The following LDLRAD4 variants were observed in gnomAD, a reference collection of about 807,000 sequenced individuals.
LDLRAD4 encodes the protein low-density lipoprotein receptor class A domain-containing protein 4.
Under a neutral mutation model 17.0 loss-of-function variants are expected in LDLRAD4, and 5 were observed. The ratio of observed to expected loss-of-function variants is 0.29; its 90% CI spans 0.15 to 0.62. LDLRAD4 has a LOEUF of 0.62. Ranked by LOEUF, LDLRAD4 falls within the 20% of genes least tolerant of loss-of-function variation. The pLI is 0.84. For synonymous variants in LDLRAD4, 168 were observed against 171.8 expected (o/e 0.98, Z 0.17); for missense variants, 340 against 424.7 (o/e 0.80, Z 1.75).
chr18:13,309,740 A>G (rs2047122969), intron 1 of LDLRAD4, among the ~76,000 whole-genome samples: 1 of 152,012 alleles, frequency 6.6e-6, no homozygotes, highest in Non-Finnish European at 1.5e-5. Context: ...GTGGGGTCTG[A>G]GGGACAGTGA....
chr18:13,601,201 G>T (rs188342035), intron 3 of LDLRAD4, among the ~76,000 whole-genome samples: 3 of 152,144 alleles, frequency 2.0e-5, no homozygotes, highest in African/African-American at 7.2e-5. Context: ...TATTTTAAAC[G>T]CAGAAATCTG....
At chr18:13,383,082 G>T (rs146738917) in intron 1 of LDLRAD4, among the ~76,000 whole-genome samples, 1 of 152,242 alleles carries the variant, frequency 6.6e-6, no homozygotes, top group Non-Finnish European at 1.5e-5. Flanking sequence ...TCCCAGCCAA[G>T]CAGGCTGAGG....
chr18:13,550,695 G>A (rs1023692214), intron 3 of LDLRAD4, among the ~76,000 whole-genome samples: 2 of 152,232 alleles, frequency 1.3e-5, no homozygotes, highest in Non-Finnish European at 1.5e-5. Flanking sequence ...AACGTAAGCC[G>A]AGGAAGATGA....
At chr18:13,495,570 G>A (rs1296209950) in intron 3 of LDLRAD4, among the ~76,000 whole-genome samples, 2 of 152,170 alleles carry the variant, frequency 1.3e-5, no homozygotes, top group South Asian at 2.1e-4. Flanking sequence ...TAATACTGTG[G>A]CTTAGTAAAA....
At chr18:13,613,774 C>G (rs574099830) in intron 3 of LDLRAD4, 3 of 152,258 alleles carry the variant, frequency 2.0e-5, no homozygotes, top group African/African-American at 7.2e-5. Flanking sequence ...GGCTGCTGCC[C>G]GCCTGCCCGT....
intron 3 of LDLRAD4, among the ~76,000 whole-genome samples, chr18:13,530,473 G>C (rs1033537557): frequency 3.9e-5 from 6 of 152,196 alleles, no homozygotes; most frequent in Non-Finnish European, 7.3e-5. Flanking sequence ...CGTGTTCTTG[G>C]GCAGCGTGTC....
chr18:13,380,400 G>A (rs2085264496), intron 1 of LDLRAD4, among the ~76,000 whole-genome samples: 1 of 152,156 alleles, frequency 6.6e-6, no homozygotes, highest in South Asian at 2.1e-4. Flanking sequence ...GGAAGCTTGG[G>A]CCAGGATCCA....
At chr18:13,383,935 T>G (rs1437795751) in intron 1 of LDLRAD4, among the ~76,000 whole-genome samples, 1 of 152,202 alleles carries the variant, frequency 6.6e-6, no homozygotes, top group Non-Finnish European at 1.5e-5. Flanking sequence ...TAATTGCATT[T>G]TACCTTGAAA....
chr18:13,596,188 G>A (rs144704718), intron 3 of LDLRAD4, among the ~76,000 whole-genome samples: 78 of 152,100 alleles, frequency 5.1e-4, no homozygotes, highest in African/African-American at 1.6e-3. Flanking sequence ...TAGTATGGTC[G>A]CACCAGTTTT....
intron 1 of LDLRAD4, among the ~76,000 whole-genome samples, chr18:13,223,638 C>A (rs954107952): frequency 5.3e-5 from 8 of 152,204 alleles, no homozygotes; most frequent in Admixed American, 4.6e-4. Flanking sequence ...GGAGGCCAGG[C>A]TGCTTTCCGA....
In LDLRAD4 at chr18:13,643,429, G is replaced by A. The variant is rs1348920721; in HGVS notation, c.390+17G>A. 8.1e-6 allele frequency: 9 copies of A among 1,108,502 alleles called. No individual in the cohort carries two copies. The Middle Eastern group carries it at 6.8e-4, about 84-fold the overall frequency. The allele number at this position is 1,108,502 out of a possible 1,614,324, so 68.7% of individuals were successfully genotyped here. A position where few individuals can be genotyped will look rare whatever the true frequency, so the allele number is the denominator to read the frequency against. ...GCCTCGGAGGTAAGGGGCCCCAGGA[G>A]GTGATGGCTGCGGGGGGCGGGGGGG... On this transcript the variant is annotated intron_variant, in intron 5 of 5. Coordinates refer to ENST00000359446, the Ensembl canonical transcript of LDLRAD4.
intron 1 of LDLRAD4, among the ~76,000 whole-genome samples, chr18:13,291,497 C>T (rs957041675): frequency 3.9e-5 from 6 of 152,118 alleles, no homozygotes; most frequent in African/African-American, 9.7e-5. Flanking sequence ...GGTTGCAGAA[C>T]GTGTAGCTTG....
Position 13,455,528 on chromosome 18 carries a change from C to T in LDLRAD4, c.181+17144C>T, listed in dbSNP as rs1268152091. Among the ~76,000 whole-genome samples the T allele has an allele frequency of 1.2e-4, 15 of 120,430 alleles. 1 individual carries two copies. The Admixed American group carries it at 1.3e-3, about 10-fold the overall frequency. 79.0% of individuals were successfully genotyped at this position (120,430 alleles called of 152,430 possible). The stretch of plus-strand genomic sequence containing the variant: ...GCTCCTGCTGAGCAGGTAGAGGAGA[C>T]ACTAGGAGCAGCTCAGCATCCCCCC... On this transcript the variant is annotated intron_variant, in intron 3 of 5. Coordinates refer to ENST00000359446, the Ensembl canonical transcript of LDLRAD4.
chr18:13,307,488 C>T (rs543054651), intron 1 of LDLRAD4, among the ~76,000 whole-genome samples: 45 of 152,288 alleles, frequency 3.0e-4, no homozygotes, highest in African/African-American at 1.0e-3. Flanking sequence ...GCCATCTTGG[C>T]ACCCTGCAGC....
chr18:13,382,898 C>T (rs2085491485), intron 1 of LDLRAD4, among the ~76,000 whole-genome samples: 1 of 152,260 alleles, frequency 6.6e-6, no homozygotes, highest in Admixed American at 6.5e-5. Context: ...AGTTCTTGCG[C>T]CTCCATGGGG....
At chr18:13,533,101 G>C (rs1376357430) in intron 3 of LDLRAD4, among the ~76,000 whole-genome samples, 5 of 152,224 alleles carry the variant, frequency 3.3e-5, no homozygotes, top group African/African-American at 1.2e-4. Flanking sequence ...AGCACCTACT[G>C]TGTGTCAGGG....
chr18:13,624,131 C>T (rs571520135), intron 4 of LDLRAD4, among the ~76,000 whole-genome samples: 8 of 152,318 alleles, frequency 5.3e-5, no homozygotes, highest in African/African-American at 1.7e-4. Flanking sequence ...TGGATGTGAG[C>T]GGTGCTGAGG....
At position 13,436,830 on chromosome 18, in the gene LDLRAD4, C is replaced by CAA. The variant is rs1429603794; in HGVS notation, c.41-1413_41-1412insAA. ...CGCTAGCGAGGCGCTTGTGGGTGTG[C>CAA]ATTTGGGCTGTGTTCACATGTTATT... On this transcript the variant is annotated intron_variant, in intron 2 of 5. Coordinates refer to ENST00000359446, the Ensembl canonical transcript of LDLRAD4. Among the ~76,000 whole-genome samples, 35 of 152,340 alleles carry CAA rather than the reference C, an allele frequency of 2.3e-4. 1 individual carries two copies. The highest frequency in any genetic ancestry group is 2.1e-4 in the Non-Finnish European group (14 of 68,028).
At chr18:13,298,531 T>A (rs1334923302) in intron 1 of LDLRAD4, among the ~76,000 whole-genome samples, 1 of 144,512 alleles carries the variant, frequency 6.9e-6, no homozygotes, top group African/African-American at 2.6e-5. Context: ...TGGGAGCTGC[T>A]CTGGGCATGG....
Sources: gnomAD v4.1 joint callset for allele counts (sites outside exome capture counted in the v4.1 genomes callset) on GRCh38, gnomAD v4.1.1 for gene constraint, MANE v1.5 for transcripts, NCBI Gene and HGNC (gene_info 2026-07-23, HGNC 2026-07-21) for gene names.